OPCML: variants seen among roughly 807,000 people sequenced by gnomAD.
The protein encoded by OPCML is opioid-binding protein/cell adhesion molecule.
Under a neutral mutation model 37.8 loss-of-function variants are expected in OPCML, and 13 were observed. That is an observed-to-expected ratio of 0.34 (90% CI 0.22 to 0.55). The LOEUF is 0.55. Among genes scored for constraint, OPCML ranks in the 20% least tolerant of loss-of-function variants. OPCML has a pLI of 0.91. For missense variants in OPCML, 341 were observed against 435.6 expected (o/e 0.78, Z 1.93); for synonymous variants, 176 against 168.8 (o/e 1.04, Z -0.33).
At chr11:132,907,852 T>A (rs1205711874) in intron 2 of OPCML, among the ~76,000 whole-genome samples, 1 of 152,162 alleles carries the variant, frequency 6.6e-6, no homozygotes, top group African/African-American at 2.4e-5. Flanking sequence ...CCTTCCCCAC[T>A]GAACTGTGAC....
chr11:133,227,553 A>C (rs1940091380), intron 1 of OPCML, among the ~76,000 whole-genome samples: 1 of 152,140 alleles, frequency 6.6e-6, no homozygotes, highest in Non-Finnish European at 1.5e-5. Flanking sequence ...TTTAATACCG[A>C]AACTTTAAAT....
At chr11:133,274,350 C>T (rs1224671935) in intron 1 of OPCML, among the ~76,000 whole-genome samples, 1 of 151,742 alleles carries the variant, frequency 6.6e-6, no homozygotes, top group Non-Finnish European at 1.5e-5. Flanking sequence ...CAATATGGCT[C>T]GTAAGAAAAG....
At chr11:132,634,549 G>C (rs1011388588) in intron 3 of OPCML, among the ~76,000 whole-genome samples, 12 of 152,052 alleles carry the variant, frequency 7.9e-5, no homozygotes, top group Non-Finnish European at 1.8e-4. Context: ...TCATACAGTG[G>C]ACAGCTCAAC....
At chr11:133,291,758 T>A (rs1157098333) in intron 1 of OPCML, among the ~76,000 whole-genome samples, 2 of 152,172 alleles carry the variant, frequency 1.3e-5, no homozygotes, top group African/African-American at 4.8e-5. Context: ...TGAACAACAT[T>A]AATGAGACAC....
intron 6 of OPCML, 118 bp downstream of exon 6, chr11:132,436,541 C>A: frequency 6.7e-7 from 1 of 1,494,844 alleles, no homozygotes; most frequent in East Asian, 2.3e-5. Flanking sequence ...CAAAAGAGGG[C>A]ATAGTATATT....
At chr11:133,365,292 T>A (rs2136733324) in intron 1 of OPCML, 1 of 152,650 alleles carries the variant, frequency 6.6e-6, no homozygotes, top group East Asian at 1.9e-4. Context: ...GCTCGGTGAC[T>A]TAAACAGCGA....
chr11:132,962,480 G>A (rs767723863), intron 1 of OPCML, among the ~76,000 whole-genome samples: 7 of 152,232 alleles, frequency 4.6e-5, no homozygotes, highest in Non-Finnish European at 1.0e-4. Flanking sequence ...TCTACTCAGA[G>A]CTTGAGGAAA....
At chr11:133,150,028 T>A (rs2116390) in intron 1 of OPCML, among the ~76,000 whole-genome samples, 7 of 152,032 alleles carry the variant, frequency 4.6e-5, no homozygotes, top group Non-Finnish European at 8.8e-5. Flanking sequence ...CAGCATCCCT[T>A]GATTAACACT....
chr11:132,546,566 T>C (rs184469975), intron 3 of OPCML, among the ~76,000 whole-genome samples: 28 of 152,348 alleles, frequency 1.8e-4, no homozygotes, highest in Non-Finnish European at 3.2e-4. Context: ...TTTCCACATA[T>C]GTCAATTAAA....
At chr11:132,931,393 A>G (rs1036109947) in intron 2 of OPCML, among the ~76,000 whole-genome samples, 3 of 152,198 alleles carry the variant, frequency 2.0e-5, no homozygotes, top group African/African-American at 7.2e-5. Flanking sequence ...AATCCACAGA[A>G]TGGGAGGGAA....
At chr11:132,793,211 G>A (rs1434528229) in intron 2 of OPCML, among the ~76,000 whole-genome samples, 2 of 152,092 alleles carry the variant, frequency 1.3e-5, no homozygotes, top group Admixed American at 6.5e-5. Context: ...GCCCTTCCCG[G>A]GACCCCCAGT....
At chr11:132,659,704 CTGTGTGTG>C (rs58318033) in intron 2 of OPCML, among the ~76,000 whole-genome samples, 95 of 147,328 alleles carry the variant, frequency 6.4e-4, no homozygotes, top group African/African-American at 2.1e-3. Flanking sequence ...CACAAAATTC[CTGTGTGTG>C]TGTGTGTGTG....
chr11:132,537,572 G>A (rs2096344243), intron 3 of OPCML, among the ~76,000 whole-genome samples: 1 of 152,160 alleles, frequency 6.6e-6, no homozygotes, highest in Non-Finnish European at 1.5e-5. Flanking sequence ...AGAAAAAATA[G>A]ATAAACCGGA....
chr11:133,442,663 A>C (rs948479247), intron 1 of OPCML, among the ~76,000 whole-genome samples: 5 of 152,072 alleles, frequency 3.3e-5, no homozygotes, highest in African/African-American at 1.2e-4. Flanking sequence ...GATATGGAAC[A>C]GTTGCAAAAC....
chr11:133,073,430 C>T (rs1259762654), intron 1 of OPCML, among the ~76,000 whole-genome samples: 2 of 152,208 alleles, frequency 1.3e-5, no homozygotes, highest in African/African-American at 2.4e-5. Context: ...TGCCAAAGGG[C>T]TCTCCTAGCA....
intron 2 of OPCML, among the ~76,000 whole-genome samples, chr11:132,698,768 A>G (rs1943697873): frequency 6.6e-6 from 1 of 151,996 alleles, no homozygotes; most frequent in African/African-American, 2.4e-5. Context: ...TTCAGGTCTT[A>G]TGTTTAAGTC....
intron 1 of OPCML, among the ~76,000 whole-genome samples, chr11:133,496,603 G>A (rs565241126): frequency 6.6e-6 from 1 of 152,250 alleles, no homozygotes; most frequent in Non-Finnish European, 1.5e-5. Context: ...TTTCCTTGTA[G>A]AAGTCTTTTG....
intron 2 of OPCML, among the ~76,000 whole-genome samples, chr11:132,884,837 A>G (rs1943349151): frequency 6.6e-6 from 1 of 152,250 alleles, no homozygotes; most frequent in African/African-American, 2.4e-5. Context: ...ACAGAACTGA[A>G]AAGTGATTGC....
intron 1 of OPCML, among the ~76,000 whole-genome samples, chr11:133,044,051 A>G (rs1327640777): frequency 6.6e-6 from 1 of 152,204 alleles, no homozygotes; most frequent in Non-Finnish European, 1.5e-5. Context: ...CTCTGTGTTG[A>G]ATGCTATGAT....
Sources: gnomAD v4.1 joint callset for allele counts (sites outside exome capture counted in the v4.1 genomes callset) on GRCh38, gnomAD v4.1.1 for gene constraint, MANE v1.5 for transcripts, NCBI Gene and HGNC (gene_info 2026-07-23, HGNC 2026-07-21) for gene names.